GCNT1: variants seen among roughly 807,000 people sequenced by gnomAD.
GCNT1 encodes glucosaminyl (N-acetyl) transferase 1.
GCNT1 carries 16 observed loss-of-function variants against 26.2 expected under a neutral mutation model. That is an observed-to-expected ratio of 0.61 (90% CI 0.41 to 0.93). The LOEUF (loss-of-function observed/expected upper bound fraction) is 0.93. Among genes scored for constraint, GCNT1 ranks in the 40% least tolerant of loss-of-function variants. The probability of loss-of-function intolerance (pLI) is 0.00; values close to 1 mark genes in which losing one functional copy is unlikely to be tolerated. For synonymous variants in GCNT1, 183 were observed against 190.8 expected, an observed-to-expected ratio of 0.96 and a Z score of 0.34; for missense variants, 477 against 526.7, an observed-to-expected ratio of 0.91 and a Z score of 0.92.
intron 2 of GCNT1, among the ~76,000 whole-genome samples, chr9:76,476,961 G>C (rs1035274567): frequency 3.3e-5 from 5 of 151,956 alleles, no homozygotes; most frequent in African/African-American, 1.2e-4. Flanking sequence ...CACCAGGCTG[G>C]AGTGTAGTGG....
At chr9:76,471,909 C>T (rs556944610) in intron 2 of GCNT1, among the ~76,000 whole-genome samples, 72 of 152,102 alleles carry the variant, frequency 4.7e-4, no homozygotes, top group Non-Finnish European at 9.0e-4. Flanking sequence ...GTGGCATGAT[C>T]ACAGCTCACT....
At chr9:76,456,344 A>C (rs1344398062), upstream of GCNT1, among the ~76,000 whole-genome samples, 1 of 151,986 alleles carries the variant, frequency 6.6e-6, no homozygotes, top group Non-Finnish European at 1.5e-5. Flanking sequence ...CTCAATATTT[A>C]CCTTCAGAGA....
chr9:76,454,212 C>G (rs890539213), upstream of GCNT1, among the ~76,000 whole-genome samples: 5 of 151,428 alleles, frequency 3.3e-5, no homozygotes, highest in Non-Finnish European at 7.4e-5. Context: ...GAAAACTCGT[C>G]TAAAAATACA....
upstream of GCNT1, among the ~76,000 whole-genome samples, chr9:76,417,768 G>A (rs1435707093): frequency 6.6e-6 from 1 of 152,070 alleles, no homozygotes; most frequent in East Asian, 1.9e-4. Context: ...CACTTTTGTA[G>A]GCCATTAATT....
the GCNT1 span, among the ~76,000 whole-genome samples, chr9:76,412,730 G>C: frequency 1.3e-5 from 2 of 152,112 alleles, no homozygotes; most frequent in Non-Finnish European, 1.5e-5. Flanking sequence ...TTCCTCAGTG[G>C]GGTTGATCCA....
the GCNT1 span, among the ~76,000 whole-genome samples, chr9:76,410,788 G>A: frequency 9.2e-5 from 14 of 152,156 alleles, no homozygotes; most frequent in African/African-American, 2.9e-4. Flanking sequence ...GAGAGATACT[G>A]TAGTCTCCAA....
chr9:76,394,544 C>CCCCGCCCCATCATGGG, the GCNT1 span: 1 of 176,072 alleles, frequency 5.7e-6, no homozygotes, highest in Admixed American at 6.4e-5. Flanking sequence ...GCTTCCGTAG[C>CCCCGCCCCATCATGGG]CCCGCCCCAT....
Position 76,503,421 on chromosome 9 carries a change from TGCAA to T in GCNT1, c.1044_1047del (p.Ala349LeufsTer39), listed in dbSNP as rs1258248837. ...AGCCATAAGTATGATCTGTCTGACATGCAAGCAGTTGCCAGGTTTGTCAAGTGGC... is the reference window on the plus strand; with the variant it reads ...AGCCATAAGTATGATCTGTCTGACATGCAGTTGCCAGGTTTGTCAAGTGGC... On this transcript the variant is annotated frameshift_variant, in exon 4 of 4. Coordinates refer to ENST00000376730, the MANE Select transcript of GCNT1 (RefSeq NM_001490.5). LOFTEE classifies it high-confidence loss of function. The T allele has an allele frequency of 6.2e-7, 1 of 1,614,146 alleles. No homozygotes were observed. The highest frequency in any genetic ancestry group is 1.7e-5 in the Admixed American group (1 of 60,014).
In GCNT1 at chr9:76,502,957, G is replaced by A. The variant is rs1334493217; in HGVS notation, c.576G>A (p.Arg192=). 1.9e-6 allele frequency: 3 copies of A among 1,612,914 alleles called. No homozygotes were observed. The highest frequency in any genetic ancestry group is 2.2e-5 in the South Asian group (2 of 91,064). The change falls in exon 4 of 4, where the codon CGG becomes CGA. Residue 192 remains arginine, a synonymous_variant. Coordinates refer to ENST00000376730, the MANE Select transcript of GCNT1 (RefSeq NM_001490.5). ...LESVVYASWS[R]VQADLNCMKD... ...GTGTGGTTTATGCATCGTGGAGCCGGGTTCAGGCTGACCTCAACTGCATGA... is the reference window on the plus strand; with the variant it reads ...GTGTGGTTTATGCATCGTGGAGCCGAGTTCAGGCTGACCTCAACTGCATGA...
the GCNT1 span, among the ~76,000 whole-genome samples, chr9:76,397,753 T>G: frequency 6.6e-6 from 1 of 152,172 alleles, no homozygotes; most frequent in Non-Finnish European, 1.5e-5. Context: ...TAGCGTTCAA[T>G]GGCTCCTCCC....
chr9:76,487,900 A>C (rs560427722), intron 2 of GCNT1, among the ~76,000 whole-genome samples: 3 of 152,140 alleles, frequency 2.0e-5, no homozygotes, highest in African/African-American at 7.2e-5. Flanking sequence ...ACACGCAGAT[A>C]ATTTCATATT....
upstream of GCNT1, among the ~76,000 whole-genome samples, chr9:76,438,803 A>T (rs1823443006): frequency 6.6e-6 from 1 of 152,014 alleles, no homozygotes; most frequent in Non-Finnish European, 1.5e-5. Flanking sequence ...CAATGAGAAA[A>T]AAAAAAAAAA....
the GCNT1 span, chr9:76,394,037 T>C: frequency 1.3e-6 from 2 of 1,523,724 alleles, no homozygotes; most frequent in South Asian, 1.2e-5. Context: ...CTGCCGTCTC[T>C]CCCCGCTCCC....
At position 76,471,245 on chromosome 9, in the gene GCNT1, A is replaced by G. The variant is rs543363090; in HGVS notation, c.-290+11068A>G. 2.0e-5 allele frequency among the ~76,000 whole-genome samples: 3 copies of G among 152,228 alleles called. No homozygotes were observed. In the East Asian group the frequency reaches 5.8e-4, roughly 29 times the overall value. On this transcript the variant is annotated intron_variant, in intron 2 of 3. Coordinates refer to ENST00000376730, the MANE Select transcript of GCNT1 (RefSeq NM_001490.5). ...TTCACCACGTTGGCCAGGGTGGTCT[A>G]GAATTCCTGACCTCAGATGATTTGC...
chr9:76,488,922 A>G (rs1021629794), intron 2 of GCNT1, among the ~76,000 whole-genome samples: 15 of 152,336 alleles, frequency 9.8e-5, no homozygotes, highest in African/African-American at 3.6e-4. Context: ...AACCACTTCA[A>G]ATGTAGTAGG....
the GCNT1 span, among the ~76,000 whole-genome samples, chr9:76,413,653 G>GTTTTTTTTTTTTTTTTT: frequency 3.5e-4 from 42 of 118,664 alleles, no homozygotes; most frequent in East Asian, 8.2e-4. Flanking sequence ...GTTTTGTTTT[G>GTTTTTTTTTTTTTTTTT]TTTTTTTTTT....
At chr9:76,428,260 C>T (rs1487316748) in intron 1 of GCNT1, among the ~76,000 whole-genome samples, 5 of 44,056 alleles carry the variant, frequency 1.1e-4, no homozygotes, top group Non-Finnish European at 2.0e-4. Context: ...AGCAAGACTC[C>T]GTCTCAAAAA....
chr9:76,451,596 A>G (rs1823665240), intron 1 of GCNT1, among the ~76,000 whole-genome samples: 1 of 152,204 alleles, frequency 6.6e-6, no homozygotes, highest in Non-Finnish European at 1.5e-5. Flanking sequence ...GATAAATGTT[A>G]ATTAAAAGTT....
intron 2 of GCNT1, among the ~76,000 whole-genome samples, chr9:76,484,833 G>A (rs1212913228): frequency 7.1e-6 from 1 of 140,500 alleles, no homozygotes; most frequent in Non-Finnish European, 1.5e-5. Flanking sequence ...CTGTTACCCA[G>A]GCTGGAGTGC....
Sources: allele counts gnomAD v4.1 joint callset (sites outside exome capture counted in the v4.1 genomes callset), GRCh38; gene constraint gnomAD v4.1.1; transcripts MANE v1.5; gene names NCBI Gene and HGNC (gene_info 2026-07-23, HGNC 2026-07-21).